AGK: variants seen among roughly 807,000 people sequenced by gnomAD.
The protein encoded by AGK is acylglycerol kinase, mitochondrial.
AGK carries 52 observed loss-of-function variants against 66.4 expected under a neutral mutation model. That is an observed-to-expected ratio of 0.78 (90% CI 0.63 to 0.99). AGK has a LOEUF of 0.99. Ranked by LOEUF, AGK falls within the 50% of genes least tolerant of loss-of-function variation. AGK has a pLI of 0.00. For synonymous variants in AGK, 182 were observed against 181.1 expected (o/e 1.00, Z -0.04); for missense variants, 451 against 506.6 (o/e 0.89, Z 1.05).
chr7:141,648,617 T>C (rs1797473400), intron 13 of AGK, among the ~76,000 whole-genome samples: 1 of 152,334 alleles, frequency 6.6e-6, no homozygotes, highest in African/African-American at 2.4e-5. Flanking sequence ...AGGGCTAGGT[T>C]TGTATGGCTA....
chr7:141,650,781 C>T (rs1240904761), intron 14 of AGK: 1 of 667,764 alleles, frequency 1.5e-6, no homozygotes, highest in Non-Finnish European at 1.9e-6. Context: ...GTATTGGTTC[C>T]AGGACCTCCC....
intron 5 of AGK, among the ~76,000 whole-genome samples, chr7:141,602,438 A>G (rs1216645959): frequency 6.6e-6 from 1 of 152,122 alleles, no homozygotes; most frequent in African/African-American, 2.4e-5. Context: ...TAAATTCTTC[A>G]AGGAATTTGT....
intron 9 of AGK, among the ~76,000 whole-genome samples, chr7:141,632,363 C>G (rs1797078356): frequency 6.6e-6 from 1 of 152,172 alleles, no homozygotes; most frequent in Non-Finnish European, 1.5e-5. Context: ...GTACATAAAG[C>G]AATGATTAGA....
chr7:141,584,571 C>G (rs1197951367), intron 2 of AGK, among the ~76,000 whole-genome samples: 1 of 152,178 alleles, frequency 6.6e-6, no homozygotes, highest in East Asian at 1.9e-4. Flanking sequence ...ATGGCTGTGT[C>G]CTTAACCTTG....
chr7:141,615,766 A>G (rs1796689875), intron 8 of AGK: 3 of 567,072 alleles, frequency 5.3e-6, no homozygotes, highest in Admixed American at 6.2e-5. Context: ...ATAAGTCTCC[A>G]GGTCAGGTAG....
intron 2 of AGK, among the ~76,000 whole-genome samples, chr7:141,566,586 C>T (rs912373546): frequency 3.3e-5 from 5 of 152,136 alleles, no homozygotes; most frequent in East Asian, 1.9e-4. Context: ...TTTCCTTACC[C>T]GCTCTATGTT....
At chr7:141,633,377 TTTGGCCATAAAGCA>T (rs1797099438) in intron 9 of AGK, among the ~76,000 whole-genome samples, 1 of 152,236 alleles carries the variant, frequency 6.6e-6, no homozygotes, top group Non-Finnish European at 1.5e-5. Context: ...ATATGCAGTA[TTTGGCCATAAAGCA>T]TTGGACCAAA....
intron 15 of AGK, 100 bp from the exon 16 acceptor site, chr7:141,652,687 T>C: frequency 7.7e-7 from 1 of 1,294,196 alleles, no homozygotes; most frequent in Non-Finnish European, 1.1e-6. Context: ...GAGAGGATGT[T>C]GTTTTCCATA....
chr7:141,638,412 C>T (rs1051105534), intron 11 of AGK, among the ~76,000 whole-genome samples: 4 of 151,928 alleles, frequency 2.6e-5, no homozygotes, highest in Non-Finnish European at 5.9e-5. Context: ...CAGGTTATGG[C>T]GGGTTTTGAT....
At chr7:141,592,344 T>G (rs990108801) in intron 2 of AGK, among the ~76,000 whole-genome samples, 1 of 152,334 alleles carries the variant, frequency 6.6e-6, no homozygotes, top group South Asian at 2.1e-4. Context: ...CTTCAGAGCC[T>G]TCTTCCATCT....
chr7:141,652,825 T>C lies in AGK; in HGVS notation c.1170T>C (p.Tyr390=). 6.2e-7 allele frequency: 1 copy of C among 1,613,924 alleles called. No homozygotes were observed. The highest frequency in any genetic ancestry group is 8.5e-7 in the Non-Finnish European group (1 of 1,179,996). The part of the protein sequence containing the change: ...GGSFSIDSEE[Y]EAMPVEVKLL... ...CTTTTAGCATTGACAGTGAGGAGTA[T>C]GAAGCGATGCCTGTGGAGGTGAAAC... The change falls in exon 16 of 16, where the codon TAT becomes TAC. Residue 390 remains tyrosine (Y), a synonymous_variant. Transcript: ENST00000649286.
chr7:141,559,423 A>G (rs986429796), intron 2 of AGK, among the ~76,000 whole-genome samples: 12 of 152,184 alleles, frequency 7.9e-5, no homozygotes, highest in Non-Finnish European at 1.2e-4. Context: ...TCATTTGACC[A>G]TATAGATGAG....
At chr7:141,606,489 CT>C (rs67698427) in intron 5 of AGK, among the ~76,000 whole-genome samples, 1 of 152,072 alleles carries the variant, frequency 6.6e-6, no homozygotes, top group Non-Finnish European at 1.5e-5. Flanking sequence ...AAAAAGTAGA[CT>C]TTATTTTTTA....
At chr7:141,569,351 T>G (rs1795545394) in intron 2 of AGK, among the ~76,000 whole-genome samples, 1 of 152,012 alleles carries the variant, frequency 6.6e-6, no homozygotes, top group Non-Finnish European at 1.5e-5. Flanking sequence ...CTGGCCAACA[T>G]GGTGAAACCC....
chr7:141,556,614 A>G (rs1412395827), intron 2 of AGK, among the ~76,000 whole-genome samples: 4 of 151,228 alleles, frequency 2.6e-5, no homozygotes, highest in Non-Finnish European at 5.9e-5. Flanking sequence ...GTTTTTCTTT[A>G]GCTTAGTGAT....
intron 5 of AGK, 140 bp from the exon 6 acceptor site, chr7:141,611,054 AT>A (rs1796575900): frequency 1.9e-6 from 1 of 537,952 alleles, no homozygotes. Context: ...TTTGATAGCT[AT>A]TTTTTTCATG....
chr7:141,642,340 T>C (rs1458175539), intron 13 of AGK, among the ~76,000 whole-genome samples: 1 of 152,224 alleles, frequency 6.6e-6, no homozygotes, highest in East Asian at 1.9e-4. Flanking sequence ...TATATCTACA[T>C]ATTATTTATT....
chr7:141,586,991 A>G (rs1270721590), intron 2 of AGK, among the ~76,000 whole-genome samples: 1 of 152,090 alleles, frequency 6.6e-6, no homozygotes. Flanking sequence ...TCAGACCTGC[A>G]TTTCCAGCTG....
chr7:141,580,182 G>C (rs778450200), intron 2 of AGK, among the ~76,000 whole-genome samples: 16 of 151,998 alleles, frequency 1.1e-4, no homozygotes, highest in Non-Finnish European at 2.1e-4. Flanking sequence ...TTTAGAGTCA[G>C]TATAAATATT....
Sources: gnomAD v4.1 joint callset for allele counts (sites outside exome capture counted in the v4.1 genomes callset) on GRCh38, gnomAD v4.1.1 for gene constraint, MANE v1.5 for transcripts, NCBI Gene and HGNC (gene_info 2026-07-23, HGNC 2026-07-21) for gene names.